RALGAPA2: variants seen among roughly 807,000 people sequenced by gnomAD.
The protein encoded by RALGAPA2 is ral GTPase-activating protein subunit alpha-2.
A neutral mutation model predicts 230.4 loss-of-function variants in RALGAPA2; 139 were observed. The observed-to-expected ratio is 0.60, with a 90% CI of 0.53 to 0.69. The LOEUF is 0.69. Ranked by LOEUF, RALGAPA2 falls within the 30% of genes least tolerant of loss-of-function variation. The pLI is 0.00. For missense variants in RALGAPA2, 2,163 were observed against 2,276.0 expected, an observed-to-expected ratio of 0.95 and a Z score of 1.01; for synonymous variants, 847 against 837.8, an observed-to-expected ratio of 1.01 and a Z score of -0.19.
At chr20:20,394,249 G>A (rs1477726120) in intron 39 of RALGAPA2, among the ~76,000 whole-genome samples, 1 of 152,192 alleles carries the variant, frequency 6.6e-6, no homozygotes, top group Non-Finnish European at 1.5e-5. Flanking sequence ...AAACGTGCTT[G>A]GACCTATGGA....
At chr20:20,404,005 G>C (rs969899932) in intron 38 of RALGAPA2, among the ~76,000 whole-genome samples, 1 of 152,202 alleles carries the variant, frequency 6.6e-6, no homozygotes, top group Non-Finnish European at 1.5e-5. Context: ...TGAGTGCTGC[G>C]GGAAAGGCAA....
intron 14 of RALGAPA2, among the ~76,000 whole-genome samples, chr20:20,606,482 T>G: frequency 6.6e-6 from 1 of 152,180 alleles, no homozygotes; most frequent in East Asian, 1.9e-4. Context: ...TGACTTTCTC[T>G]CAGTGCCTTC....
chr20:20,418,122 G>A (rs747633590), intron 37 of RALGAPA2, among the ~76,000 whole-genome samples: 4 of 152,166 alleles, frequency 2.6e-5, no homozygotes, highest in Non-Finnish European at 4.4e-5. Flanking sequence ...AAGCATCTGC[G>A]ACTCAGAGCT....
intron 1 of RALGAPA2, among the ~76,000 whole-genome samples, chr20:20,690,348 A>G (rs983216752): frequency 6.6e-6 from 1 of 152,008 alleles, no homozygotes; most frequent in Non-Finnish European, 1.5e-5. Flanking sequence ...TTACCTAGCT[A>G]CCATGAGCTG....
chr20:20,489,706 T>A (rs995684184), intron 36 of RALGAPA2, among the ~76,000 whole-genome samples: 1 of 152,234 alleles, frequency 6.6e-6, no homozygotes, highest in African/African-American at 2.4e-5. Flanking sequence ...AAGTTCTGTG[T>A]GCTCTGGACA....
At chr20:20,523,139 C>A (rs1324536363) in intron 30 of RALGAPA2, among the ~76,000 whole-genome samples, 1 of 151,962 alleles carries the variant, frequency 6.6e-6, no homozygotes, top group Admixed American at 6.6e-5. Context: ...AAAGAATAAA[C>A]CACAGAATTT....
At chr20:20,427,225 T>C (rs965155049) in intron 37 of RALGAPA2, among the ~76,000 whole-genome samples, 7 of 152,220 alleles carry the variant, frequency 4.6e-5, no homozygotes, top group African/African-American at 1.7e-4. Flanking sequence ...GTTGGGACTC[T>C]ATTATCCAAC....
At chr20:20,583,257 T>TA (rs778137018) in intron 19 of RALGAPA2, 31 bp from the exon 20 acceptor site, 4 of 1,559,562 alleles carry the variant, frequency 2.6e-6, no homozygotes, top group African/African-American at 2.8e-5. Flanking sequence ...AAGTTTAAGA[T>TA]AAAAAATAGC....
intron 27 of RALGAPA2, among the ~76,000 whole-genome samples, chr20:20,527,600 C>T (rs769830361): frequency 6.6e-6 from 1 of 151,996 alleles, no homozygotes; most frequent in Non-Finnish European, 1.5e-5. Flanking sequence ...ACCGCCCTCC[C>T]CCCACACCCC....
chr20:20,591,853 A>G (rs1170592932), intron 16 of RALGAPA2, among the ~76,000 whole-genome samples: 2 of 152,222 alleles, frequency 1.3e-5, no homozygotes, highest in Non-Finnish European at 1.5e-5. Flanking sequence ...ATTATTCTCT[A>G]AAGTACAGAA....
At chr20:20,563,848 C>A (rs2064331300) in intron 23 of RALGAPA2, among the ~76,000 whole-genome samples, 2 of 151,968 alleles carry the variant, frequency 1.3e-5, no homozygotes, top group Non-Finnish European at 2.9e-5. Context: ...CACACATGCA[C>A]AAAACACATA....
At chr20:20,624,723 G>A (rs529462243) in intron 10 of RALGAPA2, among the ~76,000 whole-genome samples, 6 of 152,010 alleles carry the variant, frequency 3.9e-5, no homozygotes, top group African/African-American at 7.3e-5. Flanking sequence ...ACACCTCAAC[G>A]TTATTATAAT....
chr20:20,643,203 A>G (rs922663090), intron 5 of RALGAPA2, among the ~76,000 whole-genome samples: 4 of 152,192 alleles, frequency 2.6e-5, no homozygotes, highest in Non-Finnish European at 4.4e-5. Context: ...TTCTGATGAT[A>G]AAACTGGAGC....
At chr20:20,643,396 GT>G (rs1216317130) in intron 5 of RALGAPA2, 109 bp downstream of exon 5, 33 of 1,021,780 alleles carry the variant, frequency 3.2e-5, no homozygotes, top group Non-Finnish European at 4.4e-5. Context: ...TTAAAACTAA[GT>G]CAAGTGGTTT....
At chr20:20,596,956 A>G (rs1455722633) in intron 16 of RALGAPA2, among the ~76,000 whole-genome samples, 3 of 152,238 alleles carry the variant, frequency 2.0e-5, no homozygotes, top group Non-Finnish European at 4.4e-5. Context: ...ATTGTCCCCA[A>G]TTGAGAATCA....
intron 4 of RALGAPA2, among the ~76,000 whole-genome samples, chr20:20,648,538 T>A (rs994693459): frequency 4.7e-5 from 7 of 148,672 alleles, no homozygotes; most frequent in South Asian, 2.1e-4. Flanking sequence ...CCATAAATAT[T>A]TTTTTTTTAA....
intron 4 of RALGAPA2, among the ~76,000 whole-genome samples, chr20:20,647,857 T>C (rs557754874): frequency 6.6e-6 from 1 of 152,304 alleles, no homozygotes; most frequent in East Asian, 1.9e-4. Context: ...AGACTGATCA[T>C]AACAAATGTT....
rs774321454 is a variant in RALGAPA2, at chr20:20,495,152, G to T, written c.5332C>A (p.His1778Asn). 1.2e-6 allele frequency: 2 copies of T among 1,609,402 alleles called. No homozygotes were observed. The highest frequency in any genetic ancestry group is 1.7e-6 in the Non-Finnish European group (2 of 1,176,534). The change falls in exon 36 of 40, where the codon CAC becomes AAC. Residue 1778 changes from histidine to asparagine, a missense_variant. Physicochemically the swap from His to Asn is moderately conservative, Grantham distance 68 (BLOSUM62 1). Coordinates refer to ENST00000202677, the MANE Select transcript of RALGAPA2 (RefSeq NM_020343.4). ...TTCGTTATCGCGATGAAGAACATGT[G>T]ATTCTTCATTGGGTAAATAATGATT... ...VSIIIYPMKN[H>N]MFFIAITKKP... is the part of the protein sequence containing the mutation.
intron 1 of RALGAPA2, among the ~76,000 whole-genome samples, chr20:20,686,214 G>A (rs1248165296): frequency 6.6e-6 from 1 of 152,158 alleles, no homozygotes; most frequent in Non-Finnish European, 1.5e-5. Context: ...CCTTGGACAA[G>A]TTATTTAAAC....
Sources: gnomAD v4.1 joint callset for allele counts (sites outside exome capture counted in the v4.1 genomes callset) on GRCh38, gnomAD v4.1.1 for gene constraint, MANE v1.5 for transcripts, NCBI Gene and HGNC (gene_info 2026-07-23, HGNC 2026-07-21) for gene names.